CACNA1A: variants seen among roughly 807,000 people sequenced by gnomAD.
CACNA1A encodes voltage-dependent P/Q-type calcium channel subunit alpha-1A.
Under a neutral mutation model 262.4 loss-of-function variants are expected in CACNA1A, and 57 were observed. The ratio of observed to expected loss-of-function variants is 0.22; its 90% CI spans 0.18 to 0.27. The LOEUF (loss-of-function observed/expected upper bound fraction) is 0.27, where lower values mean the gene tolerates loss of function less well. CACNA1A is among the 10% of genes least tolerant of loss of function. CACNA1A has a pLI of 1.00. For missense variants in CACNA1A, 2,526 were observed against 3,562.8 expected (o/e 0.71, Z 7.41); for synonymous variants, 1,431 against 1,419.3 (o/e 1.01, Z -0.18).
At position 13,241,675 on chromosome 19, in the gene CACNA1A, T is replaced by G. The variant is rs1600152787; in HGVS notation, c.4950+3507A>C. 5 of 641,718 alleles carry G rather than the reference T, an allele frequency of 7.8e-6. No homozygotes were observed. The highest frequency in any genetic ancestry group is 1.1e-5 in the Non-Finnish European group (4 of 352,522). 39.8% of individuals were successfully genotyped at this position (641,718 alleles called of 1,614,324 possible). The stretch of plus-strand genomic sequence containing the variant: ...CGGGGAGTGGGGGTGGTGGTGGCGG[T>G]GGGTTGGGAGATAAGTCATTGGTGT... On this transcript the variant is annotated intron_variant, in intron 31 of 46. Coordinates refer to ENST00000360228, the MANE Select transcript of CACNA1A (RefSeq NM_001127222.2). This position sits in a 1 kb window ranked among gnomAD's most constrained non-coding sequence, Gnocchi z 4.0.
chr19:13,406,095 C>T (rs1232016717), intron 3 of CACNA1A, among the ~76,000 whole-genome samples: 4 of 152,046 alleles, frequency 2.6e-5, no homozygotes, highest in Admixed American at 6.6e-5. Context: ...GAGGGAGGAT[C>T]GCTTGAGGCC....
chr19:13,320,237 C>CGAGAGAGAGAGAGAGAGAGAGAGA (rs146095824), intron 10 of CACNA1A, among the ~76,000 whole-genome samples: 1 of 127,150 alleles, frequency 7.9e-6, no homozygotes, highest in Admixed American at 8.2e-5. Flanking sequence ...TTCCACAGAT[C>CGAGAGAGAGAGAGAGAGAGAGAGA]GAGAGAGAGA....
chr19:13,398,688 C>T (rs2059849119), intron 3 of CACNA1A, among the ~76,000 whole-genome samples: 1 of 152,212 alleles, frequency 6.6e-6, no homozygotes, highest in Non-Finnish European at 1.5e-5. Context: ...ATTGCCAAGC[C>T]TCAGTTTCCT....
At chr19:13,323,473 T>C (rs75123044) in intron 10 of CACNA1A, among the ~76,000 whole-genome samples, 30,184 of 151,864 alleles carry the variant, frequency 0.2, 3,642 homozygotes, top group East Asian at 0.36. Flanking sequence ...TTTTTTATTT[T>C]GAGACAGGGT....
chr19:13,376,863 ATG>A (rs2059426213), intron 3 of CACNA1A, among the ~76,000 whole-genome samples: 1 of 144,814 alleles, frequency 6.9e-6, no homozygotes, highest in East Asian at 2.0e-4. Flanking sequence ...CATATGTTAT[ATG>A]TGATATATAT....
At chr19:13,359,878 T>A in intron 5 of CACNA1A, 79 bp from the exon 6 acceptor site, 1 of 946,842 alleles carries the variant, frequency 1.1e-6, no homozygotes, top group Non-Finnish European at 1.5e-6. Flanking sequence ...AGTGACTCTA[T>A]AATGCTGTTG....
Position 13,380,732 on chromosome 19 carries a change from G to GGTTTGTTTGTTT in CACNA1A, c.540-8965_540-8954dup, listed in dbSNP as rs576457560. 2.2e-5 allele frequency among the ~76,000 whole-genome samples: 3 copies of GGTTTGTTTGTTT among 136,858 alleles called. No homozygotes were observed. The Admixed American group carries it at 2.2e-4, about 10-fold the overall frequency. The allele number at this position is 136,858 out of a possible 152,430, so 89.8% of individuals were successfully genotyped here. The stretch of plus-strand genomic sequence containing the variant: ...AAGAAACAGGTAAAATTCATTTATT[G>GGTTTGTTTGTTT]GTTTGTTTGTTTGTTTGTTTATTTA... On this transcript the variant is annotated intron_variant, in intron 3 of 46. Coordinates refer to ENST00000360228, the MANE Select transcript of CACNA1A (RefSeq NM_001127222.2).
At chr19:13,251,879 C>T (rs1173671666) in intron 30 of CACNA1A, among the ~76,000 whole-genome samples, 1 of 152,048 alleles carries the variant, frequency 6.6e-6, no homozygotes, top group Non-Finnish European at 1.5e-5. Flanking sequence ...ATTCTCCTGC[C>T]TCAGCCTCCT....
intron 3 of CACNA1A, among the ~76,000 whole-genome samples, chr19:13,382,140 G>A (rs1334493254): frequency 6.6e-6 from 1 of 152,102 alleles, no homozygotes; most frequent in Non-Finnish European, 1.5e-5. Context: ...CAATGAGTGA[G>A]TGAGAGATTC....
At chr19:13,448,916 A>G (rs1383462104) in intron 3 of CACNA1A, among the ~76,000 whole-genome samples, 1 of 151,900 alleles carries the variant, frequency 6.6e-6, no homozygotes, top group Non-Finnish European at 1.5e-5. Context: ...AGTTTGAAAA[A>G]CAGTACCACA....
chr19:13,497,505 AAAAAAAAAAAAAAAAAATATATATAT>A (rs1981711167), intron 1 of CACNA1A, among the ~76,000 whole-genome samples: 1 of 41,314 alleles, frequency 2.4e-5, no homozygotes, highest in African/African-American at 9.9e-5. Flanking sequence ...AAAAAAAAAA[AAAAAAAAAAAAAAAAAATATATATAT>A]ATATATATAT....
At chr19:13,235,968 A>G in intron 31 of CACNA1A, 1 of 436,722 alleles carries the variant, frequency 2.3e-6, no homozygotes, top group Non-Finnish European at 4.1e-6. Flanking sequence ...TCAAAAGCAT[A>G]AGCCCTCCCT....
intron 6 of CACNA1A, among the ~76,000 whole-genome samples, chr19:13,338,093 C>T (rs761810472): frequency 2.7e-4 from 41 of 152,052 alleles, no homozygotes; most frequent in Non-Finnish European, 1.8e-4. Flanking sequence ...TGGTGACGGG[C>T]GCCTGTAGCT....
chr19:13,344,422 T>C (rs1223718432), intron 6 of CACNA1A, among the ~76,000 whole-genome samples: 2 of 152,102 alleles, frequency 1.3e-5, no homozygotes, highest in African/African-American at 4.8e-5. Context: ...AATTTCTTCT[T>C]ATCACTCAAC....
chr19:13,386,152 TAA>T (rs1233099486), intron 3 of CACNA1A, among the ~76,000 whole-genome samples: 15 of 140,966 alleles, frequency 1.1e-4, no homozygotes, highest in Admixed American at 7.1e-5. Flanking sequence ...CCTTGTCTCT[TAA>T]AAAAAAAAAA....
intron 3 of CACNA1A, among the ~76,000 whole-genome samples, chr19:13,422,766 T>C (rs550261831): frequency 2.0e-5 from 3 of 152,192 alleles, no homozygotes; most frequent in African/African-American, 7.2e-5. Flanking sequence ...ATAAAAACCC[T>C]GGACACCAAG....
intron 3 of CACNA1A, among the ~76,000 whole-genome samples, chr19:13,384,834 G>A (rs1330801230): frequency 6.6e-6 from 1 of 152,114 alleles, no homozygotes; most frequent in African/African-American, 2.4e-5. Context: ...CATTTCATAC[G>A]GCATCAGGGT....
At chr19:13,382,799 C>T (rs1218409023) in intron 3 of CACNA1A, among the ~76,000 whole-genome samples, 2 of 152,186 alleles carry the variant, frequency 1.3e-5, no homozygotes, top group African/African-American at 4.8e-5. Context: ...TTATATATAG[C>T]TGCCATTGAT....
chr19:13,258,300 T>G (rs1393642888), intron 27 of CACNA1A: 1 of 152,330 alleles, frequency 6.6e-6, no homozygotes, highest in Non-Finnish European at 1.5e-5. Context: ...AGTGGGTATT[T>G]GAGCACAGGT....
Sources: allele counts gnomAD v4.1 joint callset (sites outside exome capture counted in the v4.1 genomes callset), GRCh38; gene constraint gnomAD v4.1.1; non-coding constraint Gnocchi (gnomAD v3.1); transcripts MANE v1.5; gene names NCBI Gene and HGNC (gene_info 2026-07-23, HGNC 2026-07-21).